YAF2: variants seen among roughly 807,000 people sequenced by gnomAD.
YAF2 encodes the protein YY1 associated factor 2, also known as YY1-associated factor 2.
In YAF2, 7 loss-of-function variants were observed where a neutral mutation model predicts 20.1. The ratio of observed to expected loss-of-function variants is 0.35; its 90% CI spans 0.20 to 0.65. The LOEUF is 0.65. Among genes scored for constraint, YAF2 ranks in the 30% least tolerant of loss-of-function variants. YAF2 has a pLI of 0.69. For missense variants in YAF2, 151 were observed against 219.2 expected (o/e 0.69, Z 1.96); for synonymous variants, 74 against 76.0 (o/e 0.97, Z 0.14).
chr12:42,165,242 AGTT>A (rs1193949578), intron 2 of YAF2, among the ~76,000 whole-genome samples: 1 of 152,102 alleles, frequency 6.6e-6, no homozygotes, highest in East Asian at 1.9e-4. Context: ...CAGGAGGAGG[AGTT>A]ATTATAGACA....
intron 2 of YAF2, among the ~76,000 whole-genome samples, chr12:42,190,035 T>G (rs1346101860): frequency 6.6e-6 from 1 of 152,214 alleles, no homozygotes; most frequent in Non-Finnish European, 1.5e-5. Flanking sequence ...AACAATTTAC[T>G]TTTGTCGTTT....
intron 2 of YAF2, among the ~76,000 whole-genome samples, chr12:42,175,374 C>G (rs1341850090): frequency 6.7e-6 from 1 of 150,026 alleles, no homozygotes; most frequent in Non-Finnish European, 1.5e-5. Context: ...GGGGTAGGTA[C>G]AGGAGGGAGG....
chr12:42,213,549 C>G (rs1009795858), intron 2 of YAF2, among the ~76,000 whole-genome samples: 3 of 152,194 alleles, frequency 2.0e-5, no homozygotes, highest in African/African-American at 7.2e-5. Flanking sequence ...TTTCAATTGT[C>G]TCAAGCCAAC....
chr12:42,233,993 A>C, intron 2 of YAF2: 3 of 818,700 alleles, frequency 3.7e-6, no homozygotes, highest in Non-Finnish European at 4.4e-6. Context: ...CAGCATAGTG[A>C]AACCCCATCT....
chr12:42,224,279 A>G (rs2067615246), intron 2 of YAF2, among the ~76,000 whole-genome samples: 1 of 152,212 alleles, frequency 6.6e-6, no homozygotes, highest in Non-Finnish European at 1.5e-5. Context: ...GTAAGCATGT[A>G]TTTATAATAT....
chr12:42,237,080 T>G (rs142686643), intron 2 of YAF2, among the ~76,000 whole-genome samples: 7 of 152,346 alleles, frequency 4.6e-5, no homozygotes, highest in Non-Finnish European at 7.3e-5. Context: ...TATAAAATAT[T>G]AGAGTACTGG....
intron 2 of YAF2, among the ~76,000 whole-genome samples, chr12:42,227,846 G>T (rs1402716034): frequency 4.3e-5 from 6 of 141,078 alleles, no homozygotes; most frequent in African/African-American, 1.6e-4. Context: ...GAGGGAGGTG[G>T]GGGGGTCAGC....
intron 2 of YAF2, among the ~76,000 whole-genome samples, chr12:42,226,049 T>C (rs1259779753): frequency 1.3e-5 from 2 of 152,196 alleles, no homozygotes; most frequent in African/African-American, 4.8e-5. Flanking sequence ...CTCTCTTATT[T>C]CCTTGAGCAG....
At chr12:42,207,614 T>C (rs556099457) in intron 2 of YAF2, among the ~76,000 whole-genome samples, 18 of 152,224 alleles carry the variant, frequency 1.2e-4, no homozygotes, top group Middle Eastern at 3.4e-3. Flanking sequence ...AAGTGTAGGC[T>C]GGGCACGGTG....
At chr12:42,195,314 G>A (rs921093063) in intron 2 of YAF2, among the ~76,000 whole-genome samples, 5 of 152,058 alleles carry the variant, frequency 3.3e-5, no homozygotes, top group East Asian at 1.9e-4. Context: ...CACAGGTTAC[G>A]GACAAATTTT....
At chr12:42,204,883 A>G (rs1298091559) in intron 2 of YAF2, among the ~76,000 whole-genome samples, 1 of 152,214 alleles carries the variant, frequency 6.6e-6, no homozygotes, top group East Asian at 1.9e-4. Context: ...CTACAGAAAT[A>G]AAAGGAAGAT....
chr12:42,162,921 A>G (rs1424084202), intron 2 of YAF2, among the ~76,000 whole-genome samples: 2 of 152,210 alleles, frequency 1.3e-5, no homozygotes, highest in African/African-American at 4.8e-5. Context: ...TGAGATGTAG[A>G]TTAAGAGTTG....
chr12:42,228,036 C>T (rs1266335846), intron 2 of YAF2, among the ~76,000 whole-genome samples: 21 of 127,954 alleles, frequency 1.6e-4, no homozygotes, highest in Admixed American at 8.0e-4. Flanking sequence ...GTCAGCCCTC[C>T]GCCCGGCCAG....
intron 2 of YAF2, among the ~76,000 whole-genome samples, chr12:42,185,152 T>C (rs377622477): frequency 6.6e-6 from 1 of 152,110 alleles, no homozygotes; most frequent in African/African-American, 2.4e-5. Context: ...CACTCCAGCC[T>C]GGGCAACAGA....
chr12:42,217,987 G>A (rs748059209), intron 2 of YAF2, among the ~76,000 whole-genome samples: 21 of 152,106 alleles, frequency 1.4e-4, no homozygotes, highest in Non-Finnish European at 1.0e-4. Flanking sequence ...CCATGACCAT[G>A]CTCAGACAAT....
intron 2 of YAF2, among the ~76,000 whole-genome samples, chr12:42,228,226 G>A (rs1188703423): frequency 8.4e-5 from 7 of 83,390 alleles, no homozygotes; most frequent in South Asian, 5.6e-4. Flanking sequence ...CCGGCCAGCC[G>A]CCCCGTCCTG....
At chr12:42,164,395 T>C (rs2065865183) in intron 2 of YAF2, among the ~76,000 whole-genome samples, 1 of 152,182 alleles carries the variant, frequency 6.6e-6, no homozygotes, top group Non-Finnish European at 1.5e-5. Flanking sequence ...TGGCTTCATA[T>C]ATGCAATTTT....
At chr12:42,224,839 G>A (rs1026808852) in intron 2 of YAF2, among the ~76,000 whole-genome samples, 23 of 152,084 alleles carry the variant, frequency 1.5e-4, no homozygotes, top group African/African-American at 4.3e-4. Flanking sequence ...ATAAACATAC[G>A]TGTGCATGTG....
At position 42,226,047 on chromosome 12, in the gene YAF2, T is replaced by C. The variant is rs141864560; in HGVS notation, c.152+11552A>G. Among the ~76,000 whole-genome samples the C allele has an allele frequency of 3.8e-3, 577 of 152,334 alleles. 4 individuals carry two copies. Among genetic ancestry groups the C allele is most frequent in the African/African-American group, 0.013 (561 of 41,556 alleles). ...TTCCATTTGTTTGTGTCCTCTCTTA[T>C]TTCCTTGAGCAGTGGTTTGTAGTTC... On this transcript the variant is annotated intron_variant, in intron 2 of 3. Coordinates refer to ENST00000534854, the MANE Select transcript of YAF2 (RefSeq NM_005748.6).
Sources: allele counts gnomAD v4.1 joint callset (sites outside exome capture counted in the v4.1 genomes callset), GRCh38; gene constraint gnomAD v4.1.1; transcripts MANE v1.5; gene names NCBI Gene and HGNC (gene_info 2026-07-23, HGNC 2026-07-21).